EXD2: variants seen among roughly 807,000 people sequenced by gnomAD.
EXD2 encodes the protein exonuclease 3'-5' domain containing 2.
A neutral mutation model predicts 62.5 loss-of-function variants in EXD2; 40 were observed. The observed-to-expected ratio is 0.64, with a 90% CI of 0.50 to 0.83. The LOEUF (loss-of-function observed/expected upper bound fraction) is 0.83, where lower values mean the gene tolerates loss of function less well. Ranked by LOEUF, EXD2 falls within the 40% of genes least tolerant of loss-of-function variation. EXD2 has a pLI of 0.00. For synonymous variants in EXD2, 239 were observed against 291.9 expected (o/e 0.82, Z 1.85); for missense variants, 671 against 761.8 (o/e 0.88, Z 1.40).
chr14:69,227,535 C>T (rs2043402796), intron 3 of EXD2, among the ~76,000 whole-genome samples: 1 of 152,116 alleles, frequency 6.6e-6, no homozygotes, highest in Non-Finnish European at 1.5e-5. Context: ...TTTTTTCAAA[C>T]TTATCTATGA....
chr14:69,227,398 G>T (rs2043399608), intron 3 of EXD2, among the ~76,000 whole-genome samples: 1 of 152,198 alleles, frequency 6.6e-6, no homozygotes, highest in South Asian at 2.1e-4. Context: ...CAAGTGAGAA[G>T]GATTAGAATT....
In EXD2 at chr14:69,242,145, C is replaced by A; in HGVS notation, c.*1045C>A. On this transcript the variant is annotated 3_prime_UTR_variant, in exon 10 of 10. Transcript: ENST00000685843. ...AAAAGAGGAGCGTTGTTTCATCTTT[C>A]AAAATGTTAGGCCATTACTTTGAGT... The A allele has an allele frequency of 2.5e-6, 1 of 398,204 alleles. No homozygotes were observed. The highest frequency in any genetic ancestry group is 1.3e-4 in the South Asian group (1 of 7,596). 24.7% of individuals were successfully genotyped at this position (398,204 alleles called of 1,614,324 possible). A position where few individuals can be genotyped will look rare whatever the true frequency, so the allele number is the denominator to read the frequency against.
intron 1 of EXD2, among the ~76,000 whole-genome samples, chr14:69,201,251 T>C (rs1207143839): frequency 2.0e-5 from 3 of 151,668 alleles, no homozygotes; most frequent in Admixed American, 6.6e-5. Context: ...TGCAGTGTTA[T>C]GATCTCAGCT....
At chr14:69,193,431 T>G (rs552669293) in intron 1 of EXD2, among the ~76,000 whole-genome samples, 53 of 152,306 alleles carry the variant, frequency 3.5e-4, no homozygotes, top group African/African-American at 1.2e-3. Flanking sequence ...GGAAAAGTGA[T>G]TTCTCTTTGC....
intron 3 of EXD2, among the ~76,000 whole-genome samples, chr14:69,216,513 C>T (rs932858876): frequency 6.6e-6 from 1 of 151,968 alleles, no homozygotes; most frequent in African/African-American, 2.4e-5. Flanking sequence ...CTGCAGCCTC[C>T]ACCTCCTGGG....
chr14:69,237,845 G>C lies in EXD2; in HGVS notation c.1563G>C (p.Glu521Asp). Residue 521 changes from glutamate (E) to aspartate (D), a missense_variant, in exon 9 of 10, where the codon GAG (glutamate) becomes GAC (aspartate). Transcript: ENST00000685843. ...NAESLPTQRK[E>D]ELLQALREFY... ...AGAGCCTGCCTACTCAGCGAAAGGAGGAGCTGCTGCAAGCACTCAGAGAGT... is the reference window on the plus strand; with the variant it reads ...AGAGCCTGCCTACTCAGCGAAAGGACGAGCTGCTGCAAGCACTCAGAGAGT... 4 of 1,613,002 alleles carry C rather than the reference G, an allele frequency of 2.5e-6. No homozygotes were observed. The highest frequency in any genetic ancestry group is 3.4e-6 in the Non-Finnish European group (4 of 1,179,712).
rs759375341 is a variant in EXD2 at position 69,234,996 on chromosome 14, T to A, written c.1014T>A (p.His338Gln). 3.1e-6 allele frequency: 5 copies of A among 1,606,458 alleles called. No individual in the cohort carries two copies. Among genetic ancestry groups the A allele is most frequent in the Non-Finnish European group, 4.2e-6 (5 of 1,177,296 alleles). ...ACCAAGGGAGAGACCCCAGAAAACA[T>A]AAAAGAAAGCCTCTGGGGGTGGGCT... is the stretch of plus-strand genomic sequence containing the variant. ...GNHQGRDPRK[H>Q]KRKPLGVGYS... is the part of the protein sequence containing the mutation. Residue 338 changes from histidine to glutamine, a missense_variant, in exon 6 of 10, where the codon CAT becomes CAA. Transcript: ENST00000685843.
intron 3 of EXD2, among the ~76,000 whole-genome samples, chr14:69,227,386 G>A (rs2043398820): frequency 6.6e-6 from 1 of 152,194 alleles, no homozygotes; most frequent in South Asian, 2.1e-4. Flanking sequence ...TTCCTCTCCT[G>A]ACAAGTGAGA....
At chr14:69,201,486 C>T (rs1016228097) in intron 1 of EXD2, among the ~76,000 whole-genome samples, 6 of 151,894 alleles carry the variant, frequency 4.0e-5, no homozygotes, top group Admixed American at 3.9e-4. Context: ...ACTGTGCCCA[C>T]CTACATTTTA....
intron 9 of EXD2, among the ~76,000 whole-genome samples, chr14:69,238,604 T>G (rs1405134795): frequency 2.6e-5 from 4 of 152,018 alleles, no homozygotes; most frequent in South Asian, 2.1e-4. Flanking sequence ...AGATAGTTTT[T>G]TTTTTTTTTT....
rs773301644 is a variant in EXD2, at chr14:69,236,548, T to C, written c.1292+6T>C. Reference sequence around the variant, plus strand: ...AAGAGAGACTCCTACATTCGGTGAGTGCAGCATTGGGCCACCCTGGTTGTC... The same window carrying C: ...AAGAGAGACTCCTACATTCGGTGAGCGCAGCATTGGGCCACCCTGGTTGTC... On this transcript the variant is annotated splice_donor_region_variant and intron_variant, in intron 8 of 9. Coordinates refer to ENST00000685843, the MANE Select transcript of EXD2 (RefSeq NM_001193360.2). 1.2e-6 allele frequency: 2 copies of C among 1,613,948 alleles called. No individual in the cohort carries two copies. Among genetic ancestry groups the C allele is most frequent in the African/African-American group, 2.7e-5 (2 of 74,876 alleles).
chr14:69,205,515 ATG>A (rs2042562171), intron 2 of EXD2, among the ~76,000 whole-genome samples: 1 of 152,048 alleles, frequency 6.6e-6, no homozygotes, highest in Non-Finnish European at 1.5e-5. Context: ...CATATCTAGA[ATG>A]TATATATTTT....
chr14:69,204,978 C>T (rs1316790876), intron 2 of EXD2, among the ~76,000 whole-genome samples: 1 of 152,186 alleles, frequency 6.6e-6, no homozygotes, highest in East Asian at 1.9e-4. Context: ...AACCAACAGT[C>T]ACACATTAAT....
intron 9 of EXD2, among the ~76,000 whole-genome samples, chr14:69,239,410 A>C (rs2043909503): frequency 6.6e-6 from 1 of 152,224 alleles, no homozygotes; most frequent in Admixed American, 6.5e-5. Context: ...CTCCAATTAT[A>C]AGCAAATATT....
At chr14:69,240,016 T>C (rs2043928424) in intron 9 of EXD2, among the ~76,000 whole-genome samples, 1 of 152,168 alleles carries the variant, frequency 6.6e-6, no homozygotes, top group Non-Finnish European at 1.5e-5. Flanking sequence ...AGAAGAACAG[T>C]TGTTTGGAGA....
intron 3 of EXD2, among the ~76,000 whole-genome samples, chr14:69,225,958 T>G (rs768266794): frequency 6.6e-6 from 1 of 152,218 alleles, no homozygotes; most frequent in Non-Finnish European, 1.5e-5. Context: ...GACAACTCAA[T>G]TTACCTATCT....
chr14:69,236,790 C>T (rs371020305), intron 8 of EXD2, among the ~76,000 whole-genome samples: 2 of 152,216 alleles, frequency 1.3e-5, no homozygotes, highest in African/African-American at 4.8e-5. Context: ...GTCATGGGGA[C>T]AGTGGTTCCC....
intron 2 of EXD2, among the ~76,000 whole-genome samples, chr14:69,204,397 C>T (rs970501442): frequency 4.6e-5 from 7 of 151,990 alleles, no homozygotes; most frequent in East Asian, 1.9e-4. Context: ...TAGTGTGACC[C>T]GCATCTCTAC....
chr14:69,237,554 T>C, intron 8 of EXD2, 21 bp from the exon 9 acceptor site: 1 of 1,612,188 alleles, frequency 6.2e-7, no homozygotes, highest in Non-Finnish European at 8.5e-7. Flanking sequence ...GAGCGCTGCT[T>C]TCCGGCTGGG....
Sources: gnomAD v4.1 joint callset for allele counts (sites outside exome capture counted in the v4.1 genomes callset) on GRCh38, gnomAD v4.1.1 for gene constraint, MANE v1.5 for transcripts, NCBI Gene and HGNC (gene_info 2026-07-23, HGNC 2026-07-21) for gene names.